The following COL12A1 variants were observed in gnomAD, a reference collection of about 807,000 sequenced individuals.
COL12A1 encodes the protein collagen type XII alpha 1 chain.
A neutral mutation model predicts 349.7 loss-of-function variants in COL12A1; 114 were observed. The ratio of observed to expected loss-of-function variants is 0.33; its 90% CI spans 0.28 to 0.38. The LOEUF (loss-of-function observed/expected upper bound fraction) is 0.38, where lower values mean the gene tolerates loss of function less well. Ranked by LOEUF, COL12A1 falls within the 10% of genes least tolerant of loss-of-function variation. COL12A1 has a pLI of 1.00. For missense variants in COL12A1, 3,284 were observed against 3,756.9 expected, an observed-to-expected ratio of 0.87 and a Z score of 3.29; for synonymous variants, 1,369 against 1,329.0, an observed-to-expected ratio of 1.03 and a Z score of -0.66.
At position 75,101,585 on chromosome 6, in the gene COL12A1, C is replaced by T. The variant is rs754923903; in HGVS notation, c.8523+15G>A. The T allele has an allele frequency of 1.2e-6, 2 of 1,611,678 alleles. No individual in the cohort carries two copies. Among genetic ancestry groups the T allele is most frequent in the South Asian group, 2.2e-5 (2 of 90,646 alleles). On this transcript the variant is annotated intron_variant, in intron 58 of 65. Coordinates refer to ENST00000322507, the MANE Select transcript of COL12A1 (RefSeq NM_004370.6). Reference sequence around the variant, plus strand: ...TCATTTCCAACATCATTGTAGCCTGCTCAAGAAAACTTACTCTGTCTCCTG... The same window carrying T: ...TCATTTCCAACATCATTGTAGCCTGTTCAAGAAAACTTACTCTGTCTCCTG...
chr6:75,126,261 GAA>G, intron 39 of COL12A1, 88 bp downstream of exon 39: 8 of 1,432,354 alleles, frequency 5.6e-6, no homozygotes, highest in Non-Finnish European at 7.5e-6. Flanking sequence ...ACTCTCAGGA[GAA>G]CCCAACAGTG....
intron 32 of COL12A1, among the ~76,000 whole-genome samples, 155 bp downstream of exon 32, chr6:75,134,570 CA>C (rs990863595): frequency 3.4e-5 from 5 of 149,078 alleles, no homozygotes; most frequent in Admixed American, 2.0e-4. Flanking sequence ...GACTCCATCT[CA>C]AAAAAAAAGA....
intron 59 of COL12A1, among the ~76,000 whole-genome samples, chr6:75,095,850 C>T (rs1029955402): frequency 6.6e-5 from 10 of 152,122 alleles, no homozygotes; most frequent in African/African-American, 2.4e-4. Flanking sequence ...AAGTTTCCTA[C>T]TACAAGACCA....
Position 75,113,284 on chromosome 6 carries a change from T to C in COL12A1, c.7870A>G (p.Lys2624Glu). 6.4e-7 allele frequency: 1 copy of C among 1,558,922 alleles called. No individual in the cohort carries two copies. Among genetic ancestry groups the C allele is most frequent in the Non-Finnish European group, 8.7e-7 (1 of 1,155,998 alleles). ...PSSKTLSFFN[K>E]DTRGEVQTVT... ...GTTTGCACCTCGCCTCTTGTATCCT[T>C]GTTAAAGAATGATAACGTCTTGCTA... The change falls in exon 51 of 66, where the codon AAG (lysine) becomes GAG (glutamate). Residue 2624 changes from lysine (K) to glutamate (E), a missense_variant. Transcript: ENST00000322507.
At chr6:75,138,381 C>G (rs776025468) in intron 29 of COL12A1, 41 bp from the exon 30 acceptor site, 2 of 1,609,782 alleles carry the variant, frequency 1.2e-6, no homozygotes, top group Non-Finnish European at 1.7e-6. Flanking sequence ...ACTAATATAG[C>G]TGTAGCCCTA....
intron 38 of COL12A1, among the ~76,000 whole-genome samples, chr6:75,127,151 A>T (rs890409488): frequency 1.3e-5 from 2 of 152,034 alleles, no homozygotes; most frequent in African/African-American, 4.8e-5. Flanking sequence ...AGATCTAGTT[A>T]AAAAAAATCC....
Position 75,105,304 on chromosome 6 carries a change from A to C in COL12A1, c.8179-12T>G. On this transcript the variant is annotated splice_polypyrimidine_tract_variant and intron_variant, in intron 53 of 65. Transcript: ENST00000322507. ...TTTCCCTCATCTCTCTGAAATTTTG[A>C]AAAGAATATTTACCTTTAAATTTAG... 6.2e-7 allele frequency: 1 copy of C among 1,608,686 alleles called. No homozygotes were observed. Among genetic ancestry groups the C allele is most frequent in the Non-Finnish European group, 8.5e-7 (1 of 1,175,760 alleles).
At chr6:75,114,101 A>T (rs1768966004) in intron 49 of COL12A1, among the ~76,000 whole-genome samples, 1 of 151,924 alleles carries the variant, frequency 6.6e-6, no homozygotes, top group Admixed American at 6.6e-5. Flanking sequence ...AAATTATATG[A>T]TAATTTTAGA....
Position 75,090,396 on chromosome 6 carries a change from A to C in COL12A1, c.8753-98T>G. 1 of 1,122,058 alleles carries C rather than the reference A, an allele frequency of 8.9e-7. No homozygotes were observed. Among genetic ancestry groups the C allele is most frequent in the Non-Finnish European group, 1.3e-6 (1 of 784,374 alleles). The allele number at this position is 1,122,058 out of a possible 1,614,324, so 69.5% of individuals were successfully genotyped here. A position where few individuals can be genotyped will look rare whatever the true frequency, so the allele number is the denominator to read the frequency against. On this transcript the variant is annotated intron_variant, in intron 62 of 65. Coordinates refer to ENST00000322507, the MANE Select transcript of COL12A1 (RefSeq NM_004370.6). The surrounding 1 kb of genome is among the most constrained non-coding windows in gnomAD (Gnocchi z 4.1). ...TTAGTGTCTAGTGAAATCCATCTCC[A>C]TTCTGCAACCCCTCTAAGGAAACAA...
Position 75,141,447 on chromosome 6 carries a change from G to T in COL12A1, c.4957+585C>A, listed in dbSNP as rs112281722. 3.1e-3 allele frequency among the ~76,000 whole-genome samples: 471 copies of T among 152,266 alleles called. 1 individual carries two copies. Among genetic ancestry groups the T allele is most frequent in the African/African-American group, 0.011 (456 of 41,552 alleles). On this transcript the variant is annotated intron_variant, in intron 27 of 65. Coordinates refer to ENST00000322507, the MANE Select transcript of COL12A1 (RefSeq NM_004370.6). ...CTGCAGCAGACGGAGCAGGAAGCAG[G>T]GTCTGGGCAGGCTGCCCGGTATCCC...
intron 64 of COL12A1, among the ~76,000 whole-genome samples, chr6:75,088,619 A>C (rs1447646784): frequency 6.6e-6 from 1 of 152,076 alleles, no homozygotes; most frequent in Non-Finnish European, 1.5e-5. Flanking sequence ...TCATTTTTTT[A>C]ACAAAGGGAA....
intron 58 of COL12A1, among the ~76,000 whole-genome samples, chr6:75,099,217 A>C (rs1417047484): frequency 6.6e-6 from 1 of 151,280 alleles, no homozygotes; most frequent in Admixed American, 6.6e-5. Flanking sequence ...CCACTTCCCC[A>C]AAAAAAAACT....
chr6:75,096,773 G>T (rs1474989520), intron 59 of COL12A1, among the ~76,000 whole-genome samples: 4 of 151,118 alleles, frequency 2.6e-5, no homozygotes, highest in Non-Finnish European at 4.4e-5. Context: ...GCGGGCGCCT[G>T]TAGTCCCAGC....
chr6:75,134,754 T>C lies in COL12A1; in HGVS notation c.5496A>G (p.Gly1832=). Reference sequence around the variant, plus strand: ...TCTTGCCTCTTCCCGTCATCCGACCTCCTTCACCATCAGGATACAGAGAGG... The same window carrying C: ...TCTTGCCTCTTCCCGTCATCCGACCCCCTTCACCATCAGGATACAGAGAGG... ...TVSSLYPDGE[G]GRMTGRGKTK... Residue 1832 remains glycine (G), a synonymous_variant, in exon 32 of 66, where the codon GGA becomes GGG. Coordinates refer to ENST00000322507, the MANE Select transcript of COL12A1 (RefSeq NM_004370.6). The C allele has an allele frequency of 6.2e-7, 1 of 1,608,972 alleles. No homozygotes were observed. Among genetic ancestry groups the C allele is most frequent in the Admixed American group, 1.7e-5 (1 of 59,992 alleles).
chr6:75,086,511 C>A lies in COL12A1; in HGVS notation c.*36G>T. 1 of 1,599,104 alleles carries A rather than the reference C, an allele frequency of 6.3e-7. No homozygotes were observed. Among genetic ancestry groups the A allele is most frequent in the South Asian group, 1.1e-5 (1 of 89,764 alleles). ...CTCAGAAACAGGATTTTCATGTATT[C>A]AAACTGTAAGCAGCACTGGCGACTT... On this transcript the variant is annotated 3_prime_UTR_variant, in exon 66 of 66. Coordinates refer to ENST00000322507, the MANE Select transcript of COL12A1 (RefSeq NM_004370.6).
At chr6:75,168,615 A>G (rs1160235214) in intron 13 of COL12A1, among the ~76,000 whole-genome samples, 2 of 152,244 alleles carry the variant, frequency 1.3e-5, no homozygotes, top group South Asian at 2.1e-4. Flanking sequence ...TTAAATTGGA[A>G]TATTTGGGGA....
rs747884107 is a variant in COL12A1, at chr6:75,119,331, G to A, written c.7210+19C>T. 5 of 1,609,782 alleles carry A rather than the reference G, an allele frequency of 3.1e-6. No individual in the cohort carries two copies. The highest frequency in any genetic ancestry group is 1.7e-5 in the Admixed American group (1 of 59,582). On this transcript the variant is annotated intron_variant, in intron 45 of 65. Transcript: ENST00000322507. Reference sequence around the variant, plus strand: ...CCACTACAAATGCTTGAAGAGTAAAGGTCTACATATACACATACCTGTTCT... The same window carrying A: ...CCACTACAAATGCTTGAAGAGTAAAAGTCTACATATACACATACCTGTTCT...
Position 75,155,828 on chromosome 6 carries a change from G to T in COL12A1, c.3277C>A (p.Leu1093Ile). Reference protein sequence around the residue: ...TASRFKSPRNLKTSDPTMSSF... With the variant: ...TASRFKSPRNIKTSDPTMSSF... The stretch of plus-strand genomic sequence containing the variant: ...GACATGGTTGGGTCAGATGTTTTGA[G>T]GTTTCTAGGAGACTTAAACCGAGAA... The change falls in exon 16 of 66, where the codon CTC becomes ATC. Residue 1093 changes from leucine (L) to isoleucine (I), a missense_variant. Around this residue, in one of 2 missense-constraint regions of COL12A1, gnomAD observed 2,601 missense variants for 2,824.8 expected, o/e 0.92. Transcript: ENST00000322507. 1.2e-6 allele frequency: 2 copies of T among 1,607,956 alleles called. No individual in the cohort carries two copies. The highest frequency in any genetic ancestry group is 1.7e-6 in the Non-Finnish European group (2 of 1,178,084).
intron 60 of COL12A1, 87 bp downstream of exon 60, chr6:75,095,021 A>G: frequency 8.2e-7 from 1 of 1,214,446 alleles, no homozygotes. Context: ...CAGCAGAGAT[A>G]ACCTAAATAT....
Sources: gnomAD v4.1 joint callset for allele counts (sites outside exome capture counted in the v4.1 genomes callset) on GRCh38, gnomAD v4.1.1 for gene constraint, gnomAD v4.1.1 regional missense constraint, Gnocchi (gnomAD v3.1) non-coding constraint, MANE v1.5 for transcripts, NCBI Gene and HGNC (gene_info 2026-07-23, HGNC 2026-07-21) for gene names.